Variants in F13A1 observed in about 807,000 individuals in gnomAD.
The protein encoded by F13A1 is FSF, A subunit.
A neutral mutation model predicts 80.1 loss-of-function variants in F13A1; 47 were observed. The observed-to-expected ratio is 0.59, with a 90% CI of 0.46 to 0.75. The LOEUF (loss-of-function observed/expected upper bound fraction) is 0.75, where lower values mean the gene tolerates loss of function less well. Ranked by LOEUF, F13A1 falls within the 30% of genes least tolerant of loss-of-function variation. The pLI is 0.00. For synonymous variants in F13A1, 349 were observed against 344.9 expected, an observed-to-expected ratio of 1.01 and a Z score of -0.13; for missense variants, 817 against 930.4, an observed-to-expected ratio of 0.88 and a Z score of 1.59.
At chr6:6,286,707 G>C (rs1043349091) in intron 3 of F13A1, among the ~76,000 whole-genome samples, 1 of 152,178 alleles carries the variant, frequency 6.6e-6, no homozygotes, top group East Asian at 1.9e-4. Flanking sequence ...GACAGACAGA[G>C]AGGAAGAGCA....
intron 2 of F13A1, among the ~76,000 whole-genome samples, chr6:6,310,708 C>T (rs982654381): frequency 5.3e-5 from 8 of 152,168 alleles, no homozygotes; most frequent in East Asian, 1.9e-4. Context: ...GAAAATGCAC[C>T]GAGTGCTCTA....
In F13A1 at chr6:6,230,350, C is replaced by T. The variant is rs188098179; in HGVS notation, c.799-5490G>A. Among the ~76,000 whole-genome samples, 988 of 152,194 alleles carry T rather than the reference C, an allele frequency of 6.5e-3. 9 individuals are homozygous for T. The highest frequency in any genetic ancestry group is 0.016 in the African/African-American group (674 of 41,518). Reference sequence around the variant, plus strand: ...CCAACTTCCCTGACAACCTGCATGACTCAGCAGAGGCAGCCATAATCCTCT... The same window carrying T: ...CCAACTTCCCTGACAACCTGCATGATTCAGCAGAGGCAGCCATAATCCTCT... On this transcript the variant is annotated intron_variant, in intron 6 of 14. Transcript: ENST00000264870.
intron 3 of F13A1, among the ~76,000 whole-genome samples, chr6:6,287,618 G>A (rs1561679851): frequency 6.6e-6 from 1 of 152,028 alleles, no homozygotes; most frequent in Non-Finnish European, 1.5e-5. Context: ...AGACATCAGC[G>A]ACTCTATTAC....
chr6:6,226,779 A>C (rs1261408886), intron 6 of F13A1, among the ~76,000 whole-genome samples: 1 of 152,246 alleles, frequency 6.6e-6, no homozygotes, highest in Non-Finnish European at 1.5e-5. Flanking sequence ...ATATTTGAGT[A>C]AGAATAAGAC....
intron 8 of F13A1, among the ~76,000 whole-genome samples, chr6:6,199,470 T>G (rs552502444): frequency 7.3e-5 from 11 of 150,470 alleles, no homozygotes; most frequent in Admixed American, 7.3e-4. Flanking sequence ...TCCAGCCTGG[T>G]CGACAGAGCG....
At chr6:6,199,455 C>T (rs563151712) in intron 8 of F13A1, among the ~76,000 whole-genome samples, 1 of 151,472 alleles carries the variant, frequency 6.6e-6, no homozygotes, top group South Asian at 2.1e-4. Flanking sequence ...ATCACCCCAC[C>T]GCACTCCAGC....
Position 6,167,504 on chromosome 6 carries a change from G to A in F13A1, c.1862C>T (p.Ala621Val), listed in dbSNP as rs1299305128. 1 of 1,613,998 alleles carries A rather than the reference G, an allele frequency of 6.2e-7. No homozygotes were observed. ...ARINETRDVL[A>V]KQKSTVLTIP... ...GGTTAGCACGGTGGACTTTTGCTTG[G>A]CCAGAACATCCCTGGTCTCATTGAT... The change falls in exon 13 of 15, where the codon GCC (alanine) becomes GTC (valine). Residue 621 changes from alanine to valine, a missense_variant. Coordinates refer to ENST00000264870, the MANE Select transcript of F13A1 (RefSeq NM_000129.4).
At chr6:6,178,347 C>T (rs1482145897) in intron 11 of F13A1, among the ~76,000 whole-genome samples, 1 of 152,080 alleles carries the variant, frequency 6.6e-6, no homozygotes, top group African/African-American at 2.4e-5. Context: ...AATTTTTAGG[C>T]TACAGAGCTG....
chr6:6,224,658 A>G (rs200842345), intron 7 of F13A1, 28 bp downstream of exon 7: 2 of 1,607,944 alleles, frequency 1.2e-6, no homozygotes, highest in African/African-American at 2.7e-5. Context: ...CTTTATATTA[A>G]AAAGAAATTA....
intron 3 of F13A1, among the ~76,000 whole-genome samples, chr6:6,279,873 G>A (rs1758037773): frequency 6.6e-6 from 1 of 152,162 alleles, no homozygotes; most frequent in South Asian, 2.1e-4. Flanking sequence ...AAACAAAACA[G>A]GCCAACTGAT....
chr6:6,186,005 C>T (rs2151078549), intron 10 of F13A1, among the ~76,000 whole-genome samples: 1 of 151,174 alleles, frequency 6.6e-6, no homozygotes, highest in East Asian at 1.9e-4. Flanking sequence ...TGTTTTTTGG[C>T]TGCATAAATG....
intron 4 of F13A1, among the ~76,000 whole-genome samples, chr6:6,266,222 A>G (rs1329521796): frequency 1.3e-5 from 2 of 152,192 alleles, no homozygotes; most frequent in Non-Finnish European, 2.9e-5. Flanking sequence ...TATTGGAAAT[A>G]CATGAGCTTG....
intron 10 of F13A1, among the ~76,000 whole-genome samples, chr6:6,190,179 G>T (rs974745036): frequency 1.3e-5 from 2 of 151,744 alleles, no homozygotes; most frequent in African/African-American, 4.8e-5. Context: ...ATGTCCTCCC[G>T]TAGCTCAGAG....
chr6:6,208,406 G>C (rs1282849222), intron 8 of F13A1, among the ~76,000 whole-genome samples: 1 of 151,984 alleles, frequency 6.6e-6, no homozygotes, highest in African/African-American at 2.4e-5. Context: ...TGTTACTTAT[G>C]CAGTTGATGA....
intron 11 of F13A1, among the ~76,000 whole-genome samples, chr6:6,179,592 C>T (rs1760943608): frequency 6.6e-6 from 1 of 152,198 alleles, no homozygotes; most frequent in Non-Finnish European, 1.5e-5. Flanking sequence ...CATTCAGATG[C>T]AGTCTTGGTG....
chr6:6,158,905 C>CT (rs757943032), intron 13 of F13A1, among the ~76,000 whole-genome samples: 81 of 95,918 alleles, frequency 8.4e-4, no homozygotes, highest in African/African-American at 1.4e-3. Context: ...TTTTTTCTTT[C>CT]TTTTTTTTTT....
intron 6 of F13A1, among the ~76,000 whole-genome samples, chr6:6,237,075 C>A (rs944714454): frequency 1.3e-5 from 2 of 152,130 alleles, no homozygotes; most frequent in Non-Finnish European, 2.9e-5. Flanking sequence ...GTCAAGGCTG[C>A]AGTCACCACC....
intron 4 of F13A1, among the ~76,000 whole-genome samples, chr6:6,260,641 T>C (rs1757766688): frequency 1.3e-5 from 2 of 152,166 alleles, no homozygotes; most frequent in Admixed American, 6.5e-5. Context: ...GGTTATGCTT[T>C]GCGTGCTAGG....
intron 3 of F13A1, among the ~76,000 whole-genome samples, chr6:6,272,636 T>C (rs1302920877): frequency 6.6e-6 from 1 of 152,182 alleles, no homozygotes; most frequent in Non-Finnish European, 1.5e-5. Flanking sequence ...TCACAACCTT[T>C]TTAAATCAAC....
Sources: allele counts gnomAD v4.1 joint callset (sites outside exome capture counted in the v4.1 genomes callset), GRCh38; gene constraint gnomAD v4.1.1; transcripts MANE v1.5; gene names NCBI Gene and HGNC (gene_info 2026-07-23, HGNC 2026-07-21).